Variants in CCDC175 observed in about 807,000 individuals in gnomAD.
The protein encoded by CCDC175 is coiled-coil domain containing 175, also known as coiled-coil domain-containing protein 175.
A neutral mutation model predicts 114.6 loss-of-function variants in CCDC175; 100 were observed. The observed-to-expected ratio is 0.87, with a 90% CI of 0.74 to 1.03. The LOEUF is 1.03. Ranked by LOEUF, CCDC175 falls within the 50% of genes least tolerant of loss-of-function variation. The probability of loss-of-function intolerance (pLI) is 0.00; values close to 1 mark genes in which losing one functional copy is unlikely to be tolerated. For missense variants in CCDC175, 880 were observed against 917.8 expected, an observed-to-expected ratio of 0.96 and a Z score of 0.53; for synonymous variants, 306 against 308.7, an observed-to-expected ratio of 0.99 and a Z score of 0.09.
chr14:59,540,392 A>G (rs1894697143), intron 11 of CCDC175, among the ~76,000 whole-genome samples: 1 of 151,936 alleles, frequency 6.6e-6, no homozygotes. Flanking sequence ...CTGGTTCACA[A>G]AGAGGCCTGG....
At chr14:59,565,717 A>G (rs530566677) in intron 4 of CCDC175, among the ~76,000 whole-genome samples, 1 of 152,172 alleles carries the variant, frequency 6.6e-6, no homozygotes, top group African/African-American at 2.4e-5. Context: ...AAATTAAAAA[A>G]AAAAAATTGA....
intron 14 of CCDC175, among the ~76,000 whole-genome samples, chr14:59,531,006 A>G (rs1484581525): frequency 6.6e-6 from 1 of 152,034 alleles, no homozygotes; most frequent in African/African-American, 2.4e-5. Flanking sequence ...ACCCAAAAAG[A>G]TGATTCTGGG....
chr14:59,540,648 C>CTTTTTTTTTTTTTTTTTTTTTT, intron 11 of CCDC175, 27 bp downstream of exon 11: 1 of 1,100,382 alleles, frequency 9.1e-7, no homozygotes, highest in Admixed American at 3.3e-5. Flanking sequence ...CACAAATAAA[C>CTTTTTTTTTTTTTTTTTTTTTT]TTTTTTTTTT....
intron 6 of CCDC175, among the ~76,000 whole-genome samples, chr14:59,561,856 T>C (rs972550794): frequency 3.9e-5 from 6 of 152,178 alleles, no homozygotes; most frequent in Non-Finnish European, 8.8e-5. Flanking sequence ...TTTCAGCTTG[T>C]GAGGGACAAT....
At position 59,562,510 on chromosome 14, in the gene CCDC175, G is replaced by C. The variant is rs141455273; in HGVS notation, c.843+1227C>G. On this transcript the variant is annotated intron_variant, in intron 6 of 19. Transcript: ENST00000537690. ...TAGATGAGGAAACTAAAGGTTTGTA[G>C]AACTAAGATTTGAACGCAGCTCTGT... 1.4e-4 allele frequency among the ~76,000 whole-genome samples: 22 copies of C among 152,292 alleles called. No individual in the cohort carries two copies. The East Asian group carries it at 4.2e-3, about 29-fold the overall frequency.
At chr14:59,568,030 T>A (rs1361689798) in intron 4 of CCDC175, among the ~76,000 whole-genome samples, 4 of 152,204 alleles carry the variant, frequency 2.6e-5, no homozygotes, top group Non-Finnish European at 5.9e-5. Context: ...ACAAGCCTCC[T>A]GGCTGCTGTG....
In CCDC175 at chr14:59,525,538, C is replaced by T. The variant is rs112382513; in HGVS notation, c.1843-104G>A. On this transcript the variant is annotated intron_variant, in intron 15 of 19. Transcript: ENST00000537690. ...TTGGAGCCAGATTCTAAATTAATTT[C>T]TGAAGTATCCAGCAGAGGATAGATA... 514 of 794,816 alleles carry T rather than the reference C, an allele frequency of 6.5e-4. 2 individuals carry two copies. The African/African-American group carries it at 7.1e-3, about 11-fold the overall frequency. The allele number at this position is 794,816 out of a possible 1,614,324, so 49.2% of individuals were successfully genotyped here.
intron 3 of CCDC175, among the ~76,000 whole-genome samples, chr14:59,570,432 T>C (rs1046596291): frequency 4.6e-5 from 7 of 152,034 alleles, no homozygotes; most frequent in African/African-American, 1.4e-4. Flanking sequence ...CTGGAAAATC[T>C]ACCTTTTTTT....
chr14:59,525,375 A>T lies in CCDC175; in HGVS notation c.1902T>A (p.Asp634Glu), dbSNP rs1893681441. ...LRDQESKKNK[D>E]HFETLKNLEN... ...CTAAGTTCTTTAGAGTTTCAAAATGATCTTTGTTTTTTTTGCTTTCTTGAT... is the reference window on the plus strand; with the variant it reads ...CTAAGTTCTTTAGAGTTTCAAAATGTTCTTTGTTTTTTTTGCTTTCTTGAT... The change falls in exon 16 of 20, where the codon GAT becomes GAA. Residue 634 changes from aspartate (D) to glutamate (E), a missense_variant. Asp to Glu is a conservative substitution (Grantham distance 45). Coordinates refer to ENST00000537690, the MANE Select transcript of CCDC175 (RefSeq NM_001164399.2). 5.7e-5 allele frequency: 86 copies of T among 1,519,956 alleles called. No homozygotes were observed. The highest frequency in any genetic ancestry group is 7.4e-5 in the Non-Finnish European group (84 of 1,140,784). The allele number at this position is 1,519,956 out of a possible 1,614,324, so 94.2% of individuals were successfully genotyped here.
At chr14:59,513,507 G>A (rs1353760850) in intron 17 of CCDC175, among the ~76,000 whole-genome samples, 1 of 152,214 alleles carries the variant, frequency 6.6e-6, no homozygotes, top group Non-Finnish European at 1.5e-5. Context: ...AAACGGCACA[G>A]CAAGAGATTA....
chr14:59,505,845 T>G (rs113613442), intron 19 of CCDC175, among the ~76,000 whole-genome samples: 6,098 of 152,262 alleles, frequency 0.04, 161 homozygotes, highest in Non-Finnish European at 0.058. Flanking sequence ...AATTTAAAAG[T>G]CAAAATACAG....
chr14:59,517,008 G>C (rs1893133201), intron 17 of CCDC175, among the ~76,000 whole-genome samples: 1 of 152,192 alleles, frequency 6.6e-6, no homozygotes, highest in Non-Finnish European at 1.5e-5. Context: ...TGCAAGGCTG[G>C]TTCAACAGAC....
chr14:59,538,526 C>G (rs1298046291), intron 12 of CCDC175, among the ~76,000 whole-genome samples, 179 bp downstream of exon 12: 6 of 152,160 alleles, frequency 3.9e-5, no homozygotes, highest in South Asian at 4.1e-4. Flanking sequence ...TGCTAATTCT[C>G]TCTAGTTAAT....
intron 14 of CCDC175, among the ~76,000 whole-genome samples, chr14:59,530,549 C>T (rs917408358): frequency 1.3e-5 from 2 of 151,550 alleles, no homozygotes; most frequent in African/African-American, 4.9e-5. Flanking sequence ...TGATAAGAGG[C>T]CAAGAAAACC....
chr14:59,545,223 T>C lies in CCDC175; in HGVS notation c.1112A>G (p.Tyr371Cys). ...TTCTTCCTCACTTAAAACAATCTTATATTGTCTGGCAAGAGTTTTCATTTT... is the reference window on the plus strand; with the variant it reads ...TTCTTCCTCACTTAAAACAATCTTACATTGTCTGGCAAGAGTTTTCATTTT... ...REKMKTLARQYKIVLSEEEKA... is the reference protein window; with the variant it reads ...REKMKTLARQCKIVLSEEEKA... The change falls in exon 9 of 20, where the codon TAT becomes TGT. Residue 371 changes from tyrosine to cysteine, a missense_variant. By Grantham distance (194) the Tyr-to-Cys change is radical (BLOSUM62 -2). Transcript: ENST00000537690. The C allele has an allele frequency of 2.6e-6, 4 of 1,536,884 alleles. No homozygotes were observed. Among genetic ancestry groups the C allele is most frequent in the East Asian group, 2.4e-5 (1 of 40,908 alleles).
At position 59,563,794 on chromosome 14, in the gene CCDC175, C is replaced by T. The variant is rs1896361011; in HGVS notation, c.786G>A (p.Leu262=). The T allele has an allele frequency of 7.0e-7, 1 of 1,430,788 alleles. No individual in the cohort carries two copies. The highest frequency in any genetic ancestry group is 2.8e-5 in the East Asian group (1 of 36,304). The allele number at this position is 1,430,788 out of a possible 1,614,324, so 88.6% of individuals were successfully genotyped here. A position where few individuals can be genotyped will look rare whatever the true frequency, so the allele number is the denominator to read the frequency against. ...RMETYQKKKE[L]DKLQTKMSKI... is the part of the protein sequence containing the mutation. Reference sequence around the variant, plus strand: ...TTGACATTTTAGTTTGTAATTTATCCAATTCTTTCTTCTTTTGATAAGTCT... The same window carrying T: ...TTGACATTTTAGTTTGTAATTTATCTAATTCTTTCTTCTTTTGATAAGTCT... Residue 262 remains leucine (L), a synonymous_variant, in exon 6 of 20, where the codon TTG becomes TTA. Coordinates refer to ENST00000537690, the MANE Select transcript of CCDC175 (RefSeq NM_001164399.2).
intron 16 of CCDC175, among the ~76,000 whole-genome samples, chr14:59,521,988 C>T (rs569278905): frequency 3.9e-4 from 60 of 152,332 alleles, no homozygotes; most frequent in African/African-American, 1.4e-3. Context: ...AAAAATGTTC[C>T]TTATGCAAAA....
chr14:59,505,711 G>T (rs538610370), intron 19 of CCDC175, among the ~76,000 whole-genome samples: 42 of 152,234 alleles, frequency 2.8e-4, no homozygotes, highest in African/African-American at 9.1e-4. Flanking sequence ...TTGTTAAAAC[G>T]TGGTCATAAG....
rs555075125 is a variant in CCDC175, at chr14:59,532,669, C to CAGCT, written c.1624-763_1624-760dup. 4.7e-3 allele frequency among the ~76,000 whole-genome samples: 714 copies of CAGCT among 152,298 alleles called. 2 individuals carry two copies. The highest frequency in any genetic ancestry group is 0.017 in the Middle Eastern group (5 of 294). On this transcript the variant is annotated intron_variant, in intron 13 of 19. Coordinates refer to ENST00000537690, the MANE Select transcript of CCDC175 (RefSeq NM_001164399.2). ...CTGGGCTCTGCTCCTGCAACAGGAA[C>CAGCT]AGCTGTGTGCTCCCCTGTTCCTTTC... is the stretch of plus-strand genomic sequence containing the variant.
Sources: gnomAD v4.1 joint callset for allele counts (sites outside exome capture counted in the v4.1 genomes callset) on GRCh38, gnomAD v4.1.1 for gene constraint, MANE v1.5 for transcripts, NCBI Gene and HGNC (gene_info 2026-07-23, HGNC 2026-07-21) for gene names.